TNRC6A: variants seen among roughly 807,000 people sequenced by gnomAD.
TNRC6A encodes the protein trinucleotide repeat containing adaptor 6A.
A neutral mutation model predicts 221.2 loss-of-function variants in TNRC6A; 44 were observed. That is an observed-to-expected ratio of 0.20 (90% CI 0.16 to 0.26). The LOEUF (loss-of-function observed/expected upper bound fraction) is 0.26, where lower values mean the gene tolerates loss of function less well. TNRC6A is among the 10% of genes least tolerant of loss of function. The pLI, the probability that TNRC6A is intolerant of heterozygous loss-of-function variation, is 1.00. For missense variants in TNRC6A, 2,199 were observed against 2,404.4 expected, an observed-to-expected ratio of 0.91 and a Z score of 1.79; for synonymous variants, 847 against 838.5, an observed-to-expected ratio of 1.01 and a Z score of -0.18.
rs117563989 is a variant in TNRC6A at position 24,634,715 on chromosome 16, G to A, written n.277-6169G>A. 6.1e-4 allele frequency among the ~76,000 whole-genome samples: 93 copies of A among 152,234 alleles called. No individual in the cohort carries two copies. The East Asian group carries it at 0.017, about 28-fold the overall frequency. ...GGTTACAAGTCCAGGAACTTCATTCGGGGATTCCAGATTACAACAAGGGAT... is the reference window on the plus strand; with the variant it reads ...GGTTACAAGTCCAGGAACTTCATTCAGGGATTCCAGATTACAACAAGGGAT... On this transcript the variant is annotated intron_variant and non_coding_transcript_variant, in intron 1 of 2. Transcript: ENST00000566108.
At chr16:24,686,506 C>T (rs1195280819) in intron 2 of TNRC6A, among the ~76,000 whole-genome samples, 1 of 152,096 alleles carries the variant, frequency 6.6e-6, no homozygotes, top group Non-Finnish European at 1.5e-5. Flanking sequence ...AAACCCTTCT[C>T]ATCACAGGCC....
At chr16:24,810,102 T>C (rs2058512844) in intron 18 of TNRC6A, among the ~76,000 whole-genome samples, 1 of 152,264 alleles carries the variant, frequency 6.6e-6, no homozygotes, top group Non-Finnish European at 1.5e-5. Context: ...TGTGAACTAC[T>C]GCACCTGGCC....
intron 1 of TNRC6A, 134 bp downstream of exon 1, chr16:24,729,980 C>T: frequency 1.2e-6 from 1 of 845,688 alleles, no homozygotes; most frequent in Non-Finnish European, 1.5e-6. Flanking sequence ...CGGGAGGGCG[C>T]AGGCTGCGTT....
chr16:24,705,240 T>G (rs1043007481), intron 2 of TNRC6A, among the ~76,000 whole-genome samples: 3 of 152,258 alleles, frequency 2.0e-5, no homozygotes, highest in Admixed American at 6.6e-5. Context: ...ACACAGTTAA[T>G]GCATGGCACA....
At chr16:24,731,618 T>G (rs1033958123) in intron 2 of TNRC6A, among the ~76,000 whole-genome samples, 3 of 152,310 alleles carry the variant, frequency 2.0e-5, no homozygotes, top group Admixed American at 6.5e-5. Context: ...GTTGAGCCAT[T>G]AAGGTGTAAT....
At chr16:24,774,440 C>A (rs959442765) in intron 4 of TNRC6A, among the ~76,000 whole-genome samples, 5 of 152,214 alleles carry the variant, frequency 3.3e-5, no homozygotes, top group African/African-American at 1.2e-4. Context: ...ACAGCAGTTA[C>A]TTGAGTTCAT....
rs60469088 is a variant in TNRC6A at position 24,714,302 on chromosome 16, C to CTTTTTT, written n.403-36405_403-36400dup. Among the ~76,000 whole-genome samples the CTTTTTT allele has an allele frequency of 1.5e-3, 106 of 71,290 alleles. 1 individual carries two copies. Among genetic ancestry groups the CTTTTTT allele is most frequent in the Non-Finnish European group, 1.8e-3 (75 of 41,072 alleles). The allele number at this position is 71,290 out of a possible 152,430, so 46.8% of individuals were successfully genotyped here. On this transcript the variant is annotated intron_variant and non_coding_transcript_variant, in intron 2 of 2. Transcript: ENST00000566108. Reference sequence around the variant, plus strand: ...CTGCAGTGCCTGATTTGCTGTTAATCTTTTTTTTTTTTTTTTTTTTTTTTG... The same window carrying CTTTTTT: ...CTGCAGTGCCTGATTTGCTGTTAATCTTTTTTTTTTTTTTTTTTTTTTTTTTTTTTG...
At position 24,816,873 on chromosome 16, in the gene TNRC6A, C is replaced by G; in HGVS notation, c.4889C>G (p.Pro1630Arg). 1 of 1,614,156 alleles carries G rather than the reference C, an allele frequency of 6.2e-7. No individual in the cohort carries two copies. Among genetic ancestry groups the G allele is most frequent in the Non-Finnish European group, 8.5e-7 (1 of 1,180,020 alleles). The change falls in exon 20 of 25, where the codon CCT becomes CGT. Residue 1630 changes from proline (P) to arginine (R), a missense_variant. Physicochemically the swap from Pro to Arg is moderately radical, Grantham distance 103. Coordinates refer to ENST00000395799, the MANE Select transcript of TNRC6A (RefSeq NM_014494.4). ...CCAAACATTGACCCTGAAACTGACC[C>G]TTACGTCACTCCTGGCAGTGTCATA... ...GYPNIDPETD[P>R]YVTPGSVINN...
intron 4 of TNRC6A, among the ~76,000 whole-genome samples, chr16:24,761,280 C>A (rs562068180): frequency 6.6e-6 from 1 of 152,160 alleles, no homozygotes; most frequent in Admixed American, 6.5e-5. Flanking sequence ...GTGACTTCAA[C>A]TTTGAAAAAC....
At chr16:24,731,056 G>A (rs888742595) in intron 2 of TNRC6A, among the ~76,000 whole-genome samples, 2 of 151,170 alleles carry the variant, frequency 1.3e-5, no homozygotes, top group East Asian at 1.9e-4. Context: ...TAAGCATCAA[G>A]GAATTGTACT....
chr16:24,789,599 CATA>C lies in TNRC6A; in HGVS notation c.962_964del (p.Ile321del). On this transcript the variant is annotated inframe_deletion, in exon 6 of 25. Coordinates refer to ENST00000395799, the MANE Select transcript of TNRC6A (RefSeq NM_014494.4). Reference sequence around the variant, plus strand: ...GGCCATGGGGTTTTTCCCATGGAGCCATAATAAGCACATGTCAGGTCTCTGTGG... The same window carrying C: ...GGCCATGGGGTTTTTCCCATGGAGCCATAAGCACATGTCAGGTCTCTGTGG... 8.1e-6 allele frequency: 13 copies of C among 1,614,008 alleles called. No individual in the cohort carries two copies. Among genetic ancestry groups the C allele is most frequent in the Non-Finnish European group, 1.1e-5 (13 of 1,180,018 alleles).
chr16:24,735,478 GGTGCGAA>G (rs2056744242), intron 2 of TNRC6A, among the ~76,000 whole-genome samples: 1 of 152,138 alleles, frequency 6.6e-6, no homozygotes, highest in Non-Finnish European at 1.5e-5. Flanking sequence ...GCTATAGGTT[GGTGCGAA>G]AGTTAATTGT....
At chr16:24,613,080 C>T (rs147634323) in intron 1 of TNRC6A, among the ~76,000 whole-genome samples, 2 of 131,004 alleles carry the variant, frequency 1.5e-5, no homozygotes, top group East Asian at 4.7e-4. Flanking sequence ...CGCACCATTG[C>T]GCTCTAACCT....
chr16:24,733,875 G>A (rs1209288289), intron 2 of TNRC6A, among the ~76,000 whole-genome samples: 1 of 152,158 alleles, frequency 6.6e-6, no homozygotes, highest in Non-Finnish European at 1.5e-5. Context: ...TTGAAGTGGT[G>A]GCAAAAAGAG....
At chr16:24,683,408 G>A (rs2055570198) in intron 2 of TNRC6A, among the ~76,000 whole-genome samples, 1 of 152,052 alleles carries the variant, frequency 6.6e-6, no homozygotes, top group African/African-American at 2.4e-5. Flanking sequence ...ATGTTGCCCA[G>A]GCTGGTTTTA....
intron 2 of TNRC6A, among the ~76,000 whole-genome samples, chr16:24,718,264 G>A (rs114143062): frequency 0.013 from 1,941 of 152,280 alleles, 24 homozygotes; most frequent in African/African-American, 0.044. Context: ...AGCCCTAAAT[G>A]CTCAAGGCGT....
chr16:24,805,446 G>GT, intron 14 of TNRC6A, 159 bp from the exon 15 acceptor site: 1 of 1,093,376 alleles, frequency 9.1e-7, no homozygotes, highest in Non-Finnish European at 1.3e-6. Flanking sequence ...ACGAAAAAGT[G>GT]TAAGTGAGTG....
Position 24,691,032 on chromosome 16 carries a change from G to C in TNRC6A, n.402+50023G>C, listed in dbSNP as rs184648281. Reference sequence around the variant, plus strand: ...CACCGTGTTAGCCAGGATTCGTCTCGATCTCCTGACCTCGTGATCCACCCG... The same window carrying C: ...CACCGTGTTAGCCAGGATTCGTCTCCATCTCCTGACCTCGTGATCCACCCG... On this transcript the variant is annotated intron_variant and non_coding_transcript_variant, in intron 2 of 2. Coordinates refer to the TNRC6A transcript ENST00000566108. 2.0e-5 allele frequency among the ~76,000 whole-genome samples: 3 copies of C among 151,984 alleles called. No individual in the cohort carries two copies. In the South Asian group the frequency reaches 6.2e-4, roughly 32 times the overall value.
chr16:24,629,076 CG>C (rs1455830672), intron 1 of TNRC6A, among the ~76,000 whole-genome samples: 2 of 151,898 alleles, frequency 1.3e-5, no homozygotes, highest in Admixed American at 1.3e-4. Context: ...AGGCCTTTAA[CG>C]TAACTCATGA....
Sources: allele counts gnomAD v4.1 joint callset (sites outside exome capture counted in the v4.1 genomes callset), GRCh38; gene constraint gnomAD v4.1.1; transcripts MANE v1.5; gene names NCBI Gene and HGNC (gene_info 2026-07-23, HGNC 2026-07-21).